MAML3: variants seen among roughly 807,000 people sequenced by gnomAD.
MAML3 encodes the protein mastermind like transcriptional coactivator 3, also known as mastermind-like protein 3.
A neutral mutation model predicts 101.9 loss-of-function variants in MAML3; 27 were observed. The observed-to-expected ratio is 0.27, with a 90% confidence interval of 0.20 to 0.37. MAML3 has a LOEUF of 0.37. MAML3 is among the 10% of genes least tolerant of loss of function. The pLI is 1.00. For synonymous variants in MAML3, 501 were observed against 555.9 expected (o/e 0.90, Z 1.39); for missense variants, 1,316 against 1,444.9 (o/e 0.91, Z 1.45).
chr4:139,730,132 CAGAAGGAA>C, intron 3 of MAML3: 1 of 502,208 alleles, frequency 2.0e-6, no homozygotes, highest in South Asian at 2.3e-5. Flanking sequence ...TACCAGAAAT[CAGAAGGAA>C]AGGAGTCAGA....
At chr4:139,869,627 A>T (rs976754077) in intron 2 of MAML3, among the ~76,000 whole-genome samples, 3 of 152,216 alleles carry the variant, frequency 2.0e-5, no homozygotes, top group African/African-American at 7.2e-5. Context: ...GTGCATGACC[A>T]ACCAAATACC....
At chr4:139,895,262 T>A (rs2111205282) in intron 1 of MAML3, among the ~76,000 whole-genome samples, 1 of 152,346 alleles carries the variant, frequency 6.6e-6, no homozygotes, top group East Asian at 1.9e-4. Flanking sequence ...AGCTAATACA[T>A]ATCAATATTG....
intron 2 of MAML3, among the ~76,000 whole-genome samples, chr4:139,834,876 G>A (rs930257181): frequency 6.6e-6 from 1 of 152,074 alleles, no homozygotes; most frequent in African/African-American, 2.4e-5. Context: ...TTAGAGAGAG[G>A]GTATGAACCG....
At chr4:140,049,122 C>T (rs1727227335) in intron 1 of MAML3, among the ~76,000 whole-genome samples, 1 of 152,094 alleles carries the variant, frequency 6.6e-6, no homozygotes, top group South Asian at 2.1e-4. Context: ...TCTGTGATTG[C>T]ACAAGAGAAG....
intron 1 of MAML3, among the ~76,000 whole-genome samples, chr4:139,897,330 A>AGATG (rs143188819): frequency 0.037 from 5,584 of 152,234 alleles, 321 homozygotes; most frequent in African/African-American, 0.13. Context: ...GCTGGGCAGA[A>AGATG]GATGGCTAAA....
At chr4:139,983,385 C>T (rs1006397138) in intron 1 of MAML3, among the ~76,000 whole-genome samples, 1 of 152,126 alleles carries the variant, frequency 6.6e-6, no homozygotes, top group Non-Finnish European at 1.5e-5. Context: ...AGCTAGAATA[C>T]CTATGTTATA....
chr4:139,888,869 A>G (rs1181832133), intron 2 of MAML3, among the ~76,000 whole-genome samples: 2 of 152,188 alleles, frequency 1.3e-5, no homozygotes, highest in Admixed American at 6.5e-5. Context: ...AAGCTCTCCT[A>G]TATTTGAATA....
intron 1 of MAML3, among the ~76,000 whole-genome samples, chr4:140,072,804 C>T (rs1313750688): frequency 6.6e-6 from 1 of 152,162 alleles, no homozygotes; most frequent in Non-Finnish European, 1.5e-5. Flanking sequence ...CCCCCATGGA[C>T]ACCAAGGGAC....
rs111537362 is a variant in MAML3, at chr4:139,958,689, A to G, written c.469-67722T>C. ...CAGAGCCAGATTGATGCCTATCTTC[A>G]CGTTCAGGTCTTGAATTTTGTGCTA... is the stretch of plus-strand genomic sequence containing the variant. On this transcript the variant is annotated intron_variant, in intron 1 of 4. Coordinates refer to ENST00000509479, the MANE Select transcript of MAML3 (RefSeq NM_018717.5). Among the ~76,000 whole-genome samples the G allele has an allele frequency of 6.4e-4, 97 of 152,304 alleles. 1 individual carries two copies. The highest frequency in any genetic ancestry group is 2.2e-3 in the African/African-American group (93 of 41,568).
rs375235725 is a variant in MAML3, at chr4:140,018,035, C to T, written c.469-127068G>A. 1.4e-4 allele frequency among the ~76,000 whole-genome samples: 21 copies of T among 152,046 alleles called. 1 individual carries two copies. Among genetic ancestry groups the T allele is most frequent in the South Asian group, 4.2e-4 (2 of 4,814 alleles). The stretch of plus-strand genomic sequence containing the variant: ...TTAAAAATACAAAAAGGAATGAATA[C>T]GCTAGATTATTAGTGCTAGTTAGGG... On this transcript the variant is annotated intron_variant, in intron 1 of 4. Coordinates refer to ENST00000509479, the MANE Select transcript of MAML3 (RefSeq NM_018717.5).
intron 1 of MAML3, among the ~76,000 whole-genome samples, chr4:139,912,649 C>T (rs568900119): frequency 1.3e-5 from 2 of 151,712 alleles, no homozygotes; most frequent in African/African-American, 2.4e-5. Context: ...TCTTATAAGA[C>T]GACAGCCATG....
Position 140,152,945 on chromosome 4 carries a change from C to T in MAML3, c.383G>A (p.Gly128Asp). ...GCTCGGGTGCTGCTGTTTGCCGGTG[C>T]CGGCGCCCGATTTCTTGGCCCTCTG... The part of the protein sequence containing the change: ...LEQRAKKSGA[G>D]TGKQQHPSKP... The change falls in exon 1 of 5, where the codon GGC becomes GAC. Residue 128 changes from glycine to aspartate, a missense_variant. Transcript: ENST00000509479. The T allele has an allele frequency of 1.2e-6, 2 of 1,612,428 alleles. No individual in the cohort carries two copies. The highest frequency in any genetic ancestry group is 2.2e-5 in the East Asian group (1 of 44,840).
At chr4:139,998,487 A>G (rs1409113981) in intron 1 of MAML3, among the ~76,000 whole-genome samples, 2 of 152,102 alleles carry the variant, frequency 1.3e-5, no homozygotes, top group Non-Finnish European at 2.9e-5. Flanking sequence ...CCTTTCCTCA[A>G]CCTTTCAAAG....
chr4:140,113,597 C>G (rs552010458), intron 1 of MAML3, among the ~76,000 whole-genome samples: 2 of 152,148 alleles, frequency 1.3e-5, no homozygotes, highest in African/African-American at 2.4e-5. Context: ...TACTCGGTGG[C>G]CTTCAAACTC....
chr4:139,915,271 T>G (rs1389190402), intron 1 of MAML3, among the ~76,000 whole-genome samples: 1 of 152,192 alleles, frequency 6.6e-6, no homozygotes, highest in Non-Finnish European at 1.5e-5. Flanking sequence ...AATTAACAGC[T>G]CACAGGAAGA....
intron 1 of MAML3, among the ~76,000 whole-genome samples, chr4:140,090,606 G>A (rs4863529): frequency 0.93 from 141,942 of 152,186 alleles, 66,809 homozygotes; most frequent in East Asian, 1. Flanking sequence ...CGTGGGTGGC[G>A]GAGTCAGAAT....
intron 1 of MAML3, among the ~76,000 whole-genome samples, chr4:140,122,679 C>G (rs1280364122): frequency 6.7e-6 from 1 of 150,140 alleles, no homozygotes; most frequent in Non-Finnish European, 1.5e-5. Context: ...GTAGTCCCAG[C>G]TACTTGGGAG....
At chr4:140,043,334 T>C (rs1415514930) in intron 1 of MAML3, among the ~76,000 whole-genome samples, 1 of 152,182 alleles carries the variant, frequency 6.6e-6, no homozygotes, top group Non-Finnish European at 1.5e-5. Context: ...TCATTCAGTT[T>C]CAATCTGTTT....
At chr4:139,764,716 T>A (rs1026720935) in intron 2 of MAML3, among the ~76,000 whole-genome samples, 1 of 152,192 alleles carries the variant, frequency 6.6e-6, no homozygotes, top group African/African-American at 2.4e-5. Flanking sequence ...CATCTCCCGG[T>A]GATAAGGGAG....
Sources: gnomAD v4.1 joint callset for allele counts (sites outside exome capture counted in the v4.1 genomes callset) on GRCh38, gnomAD v4.1.1 for gene constraint, MANE v1.5 for transcripts, NCBI Gene and HGNC (gene_info 2026-07-23, HGNC 2026-07-21) for gene names.